COL6A5: variants seen among roughly 807,000 people sequenced by gnomAD.
COL6A5 encodes the protein collagen type VI alpha 5 chain.
A neutral mutation model predicts 65.6 loss-of-function variants in COL6A5; 48 were observed. That is an observed-to-expected ratio of 0.73 (90% CI 0.58 to 0.93). The LOEUF (loss-of-function observed/expected upper bound fraction) is 0.93, where lower values mean the gene tolerates loss of function less well. Among genes scored for constraint, COL6A5 ranks in the 40% least tolerant of loss-of-function variants. COL6A5 has a pLI of 0.00. For missense variants in COL6A5, 914 were observed against 928.3 expected (o/e 0.98, Z 0.20); for synonymous variants, 291 against 322.8 (o/e 0.90, Z 1.05).
upstream of COL6A5, among the ~76,000 whole-genome samples, chr3:130,428,244 T>G (rs1168977280): frequency 6.6e-6 from 1 of 152,132 alleles, no homozygotes; most frequent in Non-Finnish European, 1.5e-5. Context: ...GACTGGAGAT[T>G]AAGATGCAGG....
chr3:130,376,624 A>T (rs775963389), exon 3 of COL6A5: 2 of 1,611,392 alleles, frequency 1.2e-6, no homozygotes, highest in African/African-American at 1.3e-5. Context: ...GAAGTGGAAG[A>T]GGCTTCGAAA....
rs773772007 is a variant in COL6A5 at position 130,469,233 on chromosome 3, T to C, written c.1985T>C (p.Ile662Thr). The C allele has an allele frequency of 2.8e-5, 45 of 1,613,146 alleles. No individual in the cohort carries two copies. The African/African-American group carries it at 5.9e-4, about 21-fold the overall frequency. ...CCCAATCTGAGGAAAAACAAAGTTA[T>C]CTTTGTAATATCTGCTGGCGAAACC... Residue 662 changes from isoleucine to threonine, a missense_variant, in exon 6 of 8, where the codon ATC (isoleucine) becomes ACC (threonine). Physicochemically the swap from Ile to Thr is moderately conservative, Grantham distance 89 (BLOSUM62 -1). Coordinates refer to ENST00000512836, the Ensembl canonical transcript of COL6A5.
intron 5 of COL6A5, among the ~76,000 whole-genome samples, chr3:130,465,808 G>C (rs1174888503): frequency 6.6e-6 from 1 of 151,984 alleles, no homozygotes; most frequent in Non-Finnish European, 1.5e-5. Context: ...CATTGTAACG[G>C]TATTCAATAT....
At chr3:130,426,503 T>G, upstream of COL6A5, 1 of 1,187,040 alleles carries the variant, frequency 8.4e-7, no homozygotes, top group Non-Finnish European at 1.2e-6. Flanking sequence ...ATGAGTTCAC[T>G]GGTGGGAAGC....
At chr3:130,396,300 C>T (rs1936597070) in intron 8 of COL6A5, among the ~76,000 whole-genome samples, 1 of 152,250 alleles carries the variant, frequency 6.6e-6, no homozygotes. Context: ...ATTGAAATCA[C>T]TTCTTTCACA....
rs1375231799 is a variant in COL6A5, at chr3:130,458,457, T to A, written c.1544+2791T>A. 2.6e-5 allele frequency among the ~76,000 whole-genome samples: 4 copies of A among 152,166 alleles called. No homozygotes were observed. In the East Asian group the frequency reaches 5.8e-4, roughly 22 times the overall value. Reference sequence around the variant, plus strand: ...GCATCACCTGGGAACTCATTAGACATGCAGATTCTCAGCACTTGTCCTAGA... The same window carrying A: ...GCATCACCTGGGAACTCATTAGACAAGCAGATTCTCAGCACTTGTCCTAGA... On this transcript the variant is annotated intron_variant, in intron 5 of 7. Coordinates refer to ENST00000512836, the Ensembl canonical transcript of COL6A5.
At chr3:130,420,298 T>A (rs182116421) in intron 25 of COL6A5, among the ~76,000 whole-genome samples, 27 of 152,224 alleles carry the variant, frequency 1.8e-4, no homozygotes, top group African/African-American at 5.3e-4. Flanking sequence ...GGAAATTTTT[T>A]AAAAATCACT....
chr3:130,395,548 C>G, intron 8 of COL6A5, 83 bp downstream of exon 8: 6 of 992,800 alleles, frequency 6.0e-6, no homozygotes, highest in Admixed American at 2.7e-5. Context: ...CTAGCTCTAG[C>G]AGAGCATATA....
At chr3:130,435,631 T>C (rs570622621) in intron 1 of COL6A5, among the ~76,000 whole-genome samples, 1 of 152,308 alleles carries the variant, frequency 6.6e-6, no homozygotes, top group South Asian at 2.1e-4. Context: ...TTTGTAGTTC[T>C]CCTTGAAGAT....
intron 1 of COL6A5, among the ~76,000 whole-genome samples, chr3:130,371,132 A>G (rs1935538322): frequency 6.6e-6 from 1 of 152,174 alleles, no homozygotes; most frequent in Non-Finnish European, 1.5e-5. Context: ...ATGATCTCCT[A>G]TATTTAAAGA....
chr3:130,367,899 A>C (rs978693355), intron 1 of COL6A5, among the ~76,000 whole-genome samples: 1 of 152,160 alleles, frequency 6.6e-6, no homozygotes, highest in Non-Finnish European at 1.5e-5. Flanking sequence ...TATTGTATGC[A>C]GTAAGCTTCA....
Position 130,360,709 on chromosome 3 carries a change from C to G in COL6A5, c.-28-12902C>G, listed in dbSNP as rs1297385228. Among the ~76,000 whole-genome samples, 4 of 152,188 alleles carry G rather than the reference C, an allele frequency of 2.6e-5. No individual in the cohort carries two copies. The South Asian group carries it at 6.2e-4, about 24-fold the overall frequency. ...CTCTGTGCACACCTTTATTGCTAGT[C>G]CAGACTACTACCATAGCCCTTTGTT... On this transcript the variant is annotated intron_variant and NMD_transcript_variant, in intron 1 of 41. Coordinates refer to the COL6A5 transcript ENST00000312481.
chr3:130,432,025 A>T (rs764386057), intron 1 of COL6A5, 76 bp downstream of exon 33: 65 of 1,423,584 alleles, frequency 4.6e-5, no homozygotes, highest in Middle Eastern at 1.8e-4. Flanking sequence ...TGGGAGTGGT[A>T]GAGAGTCAAG....
At chr3:130,408,271 G>C (rs1937064154) in intron 17 of COL6A5, among the ~76,000 whole-genome samples, 1 of 149,162 alleles carries the variant, frequency 6.7e-6, no homozygotes, top group African/African-American at 2.5e-5. Context: ...TCCCGGTGTG[G>C]GGGTGGTGGC....
chr3:130,463,120 GTGTT>G (rs1378991625), intron 5 of COL6A5, among the ~76,000 whole-genome samples: 8 of 152,116 alleles, frequency 5.3e-5, no homozygotes, highest in Non-Finnish European at 7.4e-5. Flanking sequence ...AGCAAACTGA[GTGTT>G]TGATTAAATA....
At chr3:130,364,328 CT>C (rs1349702517) in intron 1 of COL6A5, among the ~76,000 whole-genome samples, 2 of 152,304 alleles carry the variant, frequency 1.3e-5, no homozygotes, top group East Asian at 3.9e-4. Context: ...GCATTTCCCC[CT>C]AACCTACTAT....
chr3:130,417,523 C>T (rs2107680788), intron 24 of COL6A5, among the ~76,000 whole-genome samples: 1 of 152,252 alleles, frequency 6.6e-6, no homozygotes. Flanking sequence ...ATCTCTTTCA[C>T]TCCCTGATTT....
intron 6 of COL6A5, among the ~76,000 whole-genome samples, chr3:130,470,304 T>A (rs322114): frequency 0.82 from 124,879 of 152,048 alleles, 51,958 homozygotes; most frequent in Non-Finnish European, 0.89. Context: ...CAGAGGCTAC[T>A]TTGAATGGTC....
At chr3:130,471,292 C>G (rs142023391) in intron 7 of COL6A5, among the ~76,000 whole-genome samples, 21 of 152,004 alleles carry the variant, frequency 1.4e-4, no homozygotes, top group African/African-American at 5.1e-4. Flanking sequence ...AAACTTATAT[C>G]AAAGATTCCA....
Sources: gnomAD v4.1 joint callset for allele counts (sites outside exome capture counted in the v4.1 genomes callset) on GRCh38, gnomAD v4.1.1 for gene constraint, MANE v1.5 for transcripts, NCBI Gene and HGNC (gene_info 2026-07-23, HGNC 2026-07-21) for gene names.